LRRC7: variants seen among roughly 807,000 people sequenced by gnomAD.
The protein encoded by LRRC7 is leucine rich repeat containing 7, also known as leucine-rich repeat-containing protein 7.
Under a neutral mutation model 175.7 loss-of-function variants are expected in LRRC7, and 23 were observed. That is an observed-to-expected ratio of 0.13 (90% confidence interval 0.09 to 0.19). LRRC7 has a LOEUF of 0.19. Ranked by LOEUF, LRRC7 falls within the 10% of genes least tolerant of loss-of-function variation. LRRC7 has a pLI of 1.00. For missense variants in LRRC7, 1,354 were observed against 1,904.7 expected, an observed-to-expected ratio of 0.71 and a Z score of 5.38; for synonymous variants, 685 against 680.9, an observed-to-expected ratio of 1.01 and a Z score of -0.09.
chr1:69,693,499 G>T (rs1557609368), intron 2 of LRRC7, among the ~76,000 whole-genome samples: 1 of 152,206 alleles, frequency 6.6e-6, no homozygotes, highest in Non-Finnish European at 1.5e-5. Context: ...TGCCATTCAA[G>T]TCTAAAAGCT....
intron 21 of LRRC7, 72 bp downstream of exon 21, chr1:70,039,865 A>G: frequency 1.3e-6 from 2 of 1,499,570 alleles, no homozygotes; most frequent in Non-Finnish European, 1.8e-6. Context: ...TTCTAAGCAC[A>G]TGTAGTGAAG....
intron 2 of LRRC7, among the ~76,000 whole-genome samples, chr1:69,734,281 A>G (rs1051493836): frequency 6.6e-6 from 1 of 151,938 alleles, no homozygotes; most frequent in Non-Finnish European, 1.5e-5. Context: ...ACCCTTTCAC[A>G]CACATATACA....
intron 3 of LRRC7, among the ~76,000 whole-genome samples, chr1:69,781,903 G>C (rs1299361925): frequency 1.0e-5 from 1 of 97,562 alleles, no homozygotes; most frequent in Non-Finnish European, 2.1e-5. Flanking sequence ...GGAAGGGAAA[G>C]AAAGAAAAAG....
intron 8 of LRRC7, among the ~76,000 whole-genome samples, chr1:69,947,108 AAAATAAAT>A (rs369706064): frequency 0.013 from 1,985 of 147,106 alleles, 50 homozygotes; most frequent in African/African-American, 0.045. Context: ...ACTGTGTCTC[AAAATAAAT>A]AAATAAATAA....
chr1:69,599,286 A>T (rs1013098164), intron 1 of LRRC7, among the ~76,000 whole-genome samples: 27 of 152,188 alleles, frequency 1.8e-4, no homozygotes, highest in Non-Finnish European at 3.2e-4. Context: ...GTATATCTGA[A>T]GATGCAGACT....
At chr1:69,859,912 TTTAGTA>T (rs1684176690) in intron 7 of LRRC7, among the ~76,000 whole-genome samples, 1 of 151,984 alleles carries the variant, frequency 6.6e-6, no homozygotes, top group Admixed American at 6.6e-5. Context: ...ATATCAATCT[TTTAGTA>T]TTAGTAAGTT....
chr1:69,614,070 A>C (rs916819462), intron 1 of LRRC7, among the ~76,000 whole-genome samples: 3 of 150,776 alleles, frequency 2.0e-5, no homozygotes, highest in African/African-American at 7.5e-5. Context: ...GATAATTATC[A>C]TTCATAAAGT....
At chr1:69,646,606 G>A (rs1655036423) in intron 1 of LRRC7, among the ~76,000 whole-genome samples, 1 of 152,130 alleles carries the variant, frequency 6.6e-6, no homozygotes, top group Non-Finnish European at 1.5e-5. Flanking sequence ...CACAAAGAGG[G>A]AAGCTGCTGC....
intron 1 of LRRC7, among the ~76,000 whole-genome samples, chr1:69,591,522 T>C (rs1267268214): frequency 3.3e-5 from 5 of 152,106 alleles, no homozygotes; most frequent in Non-Finnish European, 7.4e-5. Flanking sequence ...TAGAAAATTG[T>C]AGTAAAACCG....
intron 2 of LRRC7, among the ~76,000 whole-genome samples, chr1:69,737,357 A>T (rs1249596885): frequency 6.6e-6 from 1 of 152,098 alleles, no homozygotes; most frequent in Non-Finnish European, 1.5e-5. Flanking sequence ...CTTGCCTGCC[A>T]CCATGGAAGA....
chr1:69,864,497 A>C (rs1684702323), intron 7 of LRRC7, among the ~76,000 whole-genome samples: 1 of 152,348 alleles, frequency 6.6e-6, no homozygotes, highest in East Asian at 1.9e-4. Flanking sequence ...GCCCATTTGG[A>C]TGTTTCAAAT....
In LRRC7 at chr1:70,135,637, A is replaced by G. The variant is rs559849578; in HGVS notation, c.*13750A>G. 8.5e-5 allele frequency among the ~76,000 whole-genome samples: 13 copies of G among 152,336 alleles called. No homozygotes were observed. In the East Asian group the frequency reaches 2.5e-3, roughly 29 times the overall value. ...AATAAGTGAATATCCATCATATTCAAGACTTCACTTTTATTGATGATCATT... is the reference window on the plus strand; with the variant it reads ...AATAAGTGAATATCCATCATATTCAGGACTTCACTTTTATTGATGATCATT... On this transcript the variant is annotated 3_prime_UTR_variant, in exon 27 of 27. Coordinates refer to ENST00000651989, the MANE Select transcript of LRRC7 (RefSeq NM_001370785.2).
At chr1:69,801,429 C>T (rs1213355763) in intron 4 of LRRC7, among the ~76,000 whole-genome samples, 1 of 151,604 alleles carries the variant, frequency 6.6e-6, no homozygotes, top group Admixed American at 6.6e-5. Context: ...CTATGTATTC[C>T]TGGTTCAATA....
chr1:69,946,620 T>C (rs1450612982), intron 8 of LRRC7, among the ~76,000 whole-genome samples: 1 of 148,280 alleles, frequency 6.7e-6, no homozygotes, highest in Non-Finnish European at 1.5e-5. Context: ...TTATAGCTTC[T>C]TGGTGAATGA....
intron 7 of LRRC7, among the ~76,000 whole-genome samples, chr1:69,860,336 T>G (rs1312977791): frequency 6.6e-6 from 1 of 151,956 alleles, no homozygotes; most frequent in African/African-American, 2.4e-5. Flanking sequence ...CAAAGTATAA[T>G]TATAATATAG....
intron 5 of LRRC7, among the ~76,000 whole-genome samples, chr1:69,832,645 T>G (rs1680656660): frequency 6.6e-6 from 1 of 152,186 alleles, no homozygotes; most frequent in South Asian, 2.1e-4. Context: ...ATGGTGGAAC[T>G]ATTTTGAATG....
intron 1 of LRRC7, among the ~76,000 whole-genome samples, chr1:69,627,976 T>C (rs1005418926): frequency 2.6e-5 from 4 of 152,064 alleles, no homozygotes; most frequent in Non-Finnish European, 5.9e-5. Flanking sequence ...ATATTATACT[T>C]AATATATTTG....
chr1:69,971,928 T>G (rs1450134152), intron 8 of LRRC7, among the ~76,000 whole-genome samples: 1 of 152,086 alleles, frequency 6.6e-6, no homozygotes, highest in Admixed American at 6.5e-5. Flanking sequence ...ATAAGACACA[T>G]AGACCAATGG....
At chr1:69,976,667 C>T (rs908625736) in intron 8 of LRRC7, among the ~76,000 whole-genome samples, 1 of 152,148 alleles carries the variant, frequency 6.6e-6, no homozygotes, top group Non-Finnish European at 1.5e-5. Context: ...TGCTCTTGTT[C>T]ACTTCCTTTT....
Sources: gnomAD v4.1 joint callset for allele counts (sites outside exome capture counted in the v4.1 genomes callset) on GRCh38, gnomAD v4.1.1 for gene constraint, MANE v1.5 for transcripts, NCBI Gene and HGNC (gene_info 2026-07-23, HGNC 2026-07-21) for gene names.